The following KIAA0825 variants were observed in gnomAD, a reference collection of about 807,000 sequenced individuals.
KIAA0825 encodes the protein KIAA0825.
A neutral mutation model predicts 147.6 loss-of-function variants in KIAA0825; 119 were observed. That is an observed-to-expected ratio of 0.81 (90% CI 0.69 to 0.94). The LOEUF is 0.94. Ranked by LOEUF, KIAA0825 falls within the 40% of genes least tolerant of loss-of-function variation. KIAA0825 has a pLI of 0.00. For synonymous variants in KIAA0825, 470 were observed against 518.1 expected (o/e 0.91, Z 1.26); for missense variants, 1,381 against 1,472.7 (o/e 0.94, Z 1.02).
intron 20 of KIAA0825, among the ~76,000 whole-genome samples, chr5:94,373,771 A>G (rs960624605): frequency 2.0e-5 from 3 of 152,224 alleles, no homozygotes; most frequent in Admixed American, 2.0e-4. Context: ...AAAATGAAGA[A>G]TATTACTAGT....
chr5:94,157,267 G>T (rs1486024977), intron 20 of KIAA0825, among the ~76,000 whole-genome samples: 1 of 152,116 alleles, frequency 6.6e-6, no homozygotes, highest in Non-Finnish European at 1.5e-5. Flanking sequence ...TATTATAGAA[G>T]AATTGCAACC....
chr5:94,173,217 A>G (rs1768795428), intron 20 of KIAA0825, among the ~76,000 whole-genome samples: 1 of 146,608 alleles, frequency 6.8e-6, no homozygotes, highest in Non-Finnish European at 1.5e-5. Flanking sequence ...TACCATAGGA[A>G]ACTAGGGAGT....
intron 3 of KIAA0825, among the ~76,000 whole-genome samples, chr5:94,533,266 C>CCACA (rs1413295138): frequency 3.4e-5 from 5 of 148,276 alleles, no homozygotes; most frequent in Non-Finnish European, 3.0e-5. Flanking sequence ...GCATGAGCCA[C>CCACA]TGTGCCCGGC....
intron 2 of KIAA0825, among the ~76,000 whole-genome samples, chr5:94,550,754 A>G (rs1775363035): frequency 6.6e-6 from 1 of 151,266 alleles, no homozygotes; most frequent in Non-Finnish European, 1.5e-5. Context: ...AGGCAGGAGA[A>G]TGGCGTGAGC....
chr5:94,177,575 T>A (rs1446072296), intron 20 of KIAA0825, among the ~76,000 whole-genome samples: 1 of 152,056 alleles, frequency 6.6e-6, no homozygotes, highest in Admixed American at 6.6e-5. Context: ...AATGTATTAA[T>A]ATTGGAGTGG....
intron 20 of KIAA0825, among the ~76,000 whole-genome samples, chr5:94,161,496 A>T (rs1245852780): frequency 6.6e-6 from 1 of 152,172 alleles, no homozygotes; most frequent in Non-Finnish European, 1.5e-5. Context: ...ATGTGTGATC[A>T]TCCTTTTCCT....
At chr5:94,333,617 T>C (rs1781501059) in intron 20 of KIAA0825, among the ~76,000 whole-genome samples, 1 of 152,202 alleles carries the variant, frequency 6.6e-6, no homozygotes, top group African/African-American at 2.4e-5. Flanking sequence ...CCATGCTGTC[T>C]TGGTTACTGT....
intron 20 of KIAA0825, among the ~76,000 whole-genome samples, chr5:94,383,386 A>G (rs1052029278): frequency 1.3e-5 from 2 of 152,164 alleles, no homozygotes; most frequent in Non-Finnish European, 1.5e-5. Flanking sequence ...ATTTTCTTAT[A>G]TTCATCCAGA....
Position 94,516,648 on chromosome 5 carries a change from G to A in KIAA0825, c.970+3600C>T, listed in dbSNP as rs531868209. Among the ~76,000 whole-genome samples the A allele has an allele frequency of 1.7e-4, 26 of 150,148 alleles. No homozygotes were observed. In the South Asian group the frequency reaches 5.5e-3, roughly 32 times the overall value. On this transcript the variant is annotated intron_variant, in intron 5 of 20. Transcript: ENST00000682413. ...CTACTAAAAATACAAAAAATTAGCC[G>A]GGCGCAGTGGCGGGCGCCTGTAGTC...
At chr5:94,470,197 A>C in intron 9 of KIAA0825, 86 bp from the exon 10 acceptor site, 9 of 867,754 alleles carry the variant, frequency 1.0e-5, no homozygotes, top group Non-Finnish European at 1.4e-5. Flanking sequence ...AATGGTTTTG[A>C]TTATTAGATA....
chr5:94,392,997 T>A (rs1327689626), intron 17 of KIAA0825, among the ~76,000 whole-genome samples: 2 of 151,142 alleles, frequency 1.3e-5, no homozygotes, highest in South Asian at 2.1e-4. Flanking sequence ...AAAAAAAAAA[T>A]TCTTGTCGGG....
chr5:94,263,732 T>C (rs893465723), intron 20 of KIAA0825, among the ~76,000 whole-genome samples: 1 of 152,182 alleles, frequency 6.6e-6, no homozygotes, highest in East Asian at 1.9e-4. Flanking sequence ...CAAATTGCTC[T>C]CTTTTTATGC....
intron 20 of KIAA0825, among the ~76,000 whole-genome samples, chr5:94,170,170 G>GCGCC (rs1562293709): frequency 2.0e-5 from 3 of 152,100 alleles, no homozygotes; most frequent in Non-Finnish European, 4.4e-5. Flanking sequence ...ATGGTGGCGG[G>GCGCC]TGCCTGTAGT....
intron 20 of KIAA0825, among the ~76,000 whole-genome samples, chr5:94,222,976 C>T (rs1158273644): frequency 4.6e-5 from 7 of 152,106 alleles, no homozygotes; most frequent in Non-Finnish European, 8.8e-5. Context: ...ATTCTACTTT[C>T]TTAGCAAAAA....
chr5:94,176,689 C>T (rs1357758003), intron 20 of KIAA0825, among the ~76,000 whole-genome samples: 1 of 152,020 alleles, frequency 6.6e-6, no homozygotes, highest in Non-Finnish European at 1.5e-5. Context: ...TTAGCTAGAA[C>T]AGGAACTATA....
chr5:94,471,783 G>A (rs775667901), intron 8 of KIAA0825, 52 bp from the exon 9 acceptor site: 4 of 1,515,530 alleles, frequency 2.6e-6, no homozygotes, highest in African/African-American at 2.8e-5. Flanking sequence ...ACAGCACCAA[G>A]TAATTTATGG....
At chr5:94,606,716 T>C (rs918679701) in intron 1 of KIAA0825, among the ~76,000 whole-genome samples, 2 of 152,196 alleles carry the variant, frequency 1.3e-5, no homozygotes, top group South Asian at 4.1e-4. Context: ...AAAGATCTAA[T>C]ATTCAGCATC....
At chr5:94,214,483 C>T (rs2150050708) in intron 20 of KIAA0825, among the ~76,000 whole-genome samples, 1 of 152,246 alleles carries the variant, frequency 6.6e-6, no homozygotes, top group South Asian at 2.1e-4. Context: ...ATCACCCTTC[C>T]CTTCCCCCAA....
intron 2 of KIAA0825, among the ~76,000 whole-genome samples, chr5:94,563,313 G>A (rs550459742): frequency 3.3e-5 from 5 of 150,498 alleles, no homozygotes; most frequent in East Asian, 2.0e-4. Flanking sequence ...AGCCGTGATC[G>A]CACCACTGCA....
Sources: allele counts gnomAD v4.1 joint callset (sites outside exome capture counted in the v4.1 genomes callset), GRCh38; gene constraint gnomAD v4.1.1; transcripts MANE v1.5; gene names NCBI Gene and HGNC (gene_info 2026-07-23, HGNC 2026-07-21).